Variants in AKT3 observed in about 807,000 individuals in gnomAD.
The protein encoded by AKT3 is RAC-gamma serine/threonine-protein kinase.
A neutral mutation model predicts 65.3 loss-of-function variants in AKT3; 15 were observed. The observed-to-expected ratio is 0.23, with a 90% CI of 0.15 to 0.35. The LOEUF is 0.35. Ranked by LOEUF, AKT3 falls within the 10% of genes least tolerant of loss-of-function variation. The pLI is 1.00. For missense variants in AKT3, 243 were observed against 576.5 expected (o/e 0.42, Z 5.92); for synonymous variants, 206 against 183.8 (o/e 1.12, Z -0.98).
chr1:243,526,268 T>TTTTCTGTGTTTGTTTTTTGAG (rs1671072268), intron 12 of AKT3, among the ~76,000 whole-genome samples: 1 of 152,166 alleles, frequency 6.6e-6, no homozygotes, highest in Non-Finnish European at 1.5e-5. Context: ...AAACCCGTGT[T>TTTTCTGTGTTTGTTTTTTGAG]AATTCGTACC....
intron 2 of AKT3, among the ~76,000 whole-genome samples, chr1:243,739,370 C>G (rs567757536): frequency 6.6e-6 from 1 of 152,162 alleles, no homozygotes; most frequent in Admixed American, 6.5e-5. Flanking sequence ...TAATATAGGT[C>G]AATTCGCACT....
intron 2 of AKT3, among the ~76,000 whole-genome samples, chr1:243,765,633 C>T (rs1689774959): frequency 6.6e-6 from 1 of 152,046 alleles, no homozygotes; most frequent in South Asian, 2.1e-4. Flanking sequence ...GTTAACCAAA[C>T]AAAAATTAAA....
intron 2 of AKT3, among the ~76,000 whole-genome samples, chr1:243,765,729 A>G (rs1572305299): frequency 6.6e-6 from 1 of 152,200 alleles, no homozygotes; most frequent in African/African-American, 2.4e-5. Context: ...AAAATAATGG[A>G]TAATCTAAAA....
intron 2 of AKT3, among the ~76,000 whole-genome samples, chr1:243,798,549 T>C (rs934526145): frequency 2.0e-5 from 3 of 152,080 alleles, no homozygotes; most frequent in Non-Finnish European, 4.4e-5. Flanking sequence ...CTTCTATTTA[T>C]GTTCTTGATA....
intron 2 of AKT3, among the ~76,000 whole-genome samples, chr1:243,737,543 A>C (rs1300182220): frequency 6.6e-6 from 1 of 152,214 alleles, no homozygotes; most frequent in African/African-American, 2.4e-5. Context: ...AGAAGTAGAA[A>C]GCAAAAGAAA....
chr1:243,526,537 G>T (rs1332178327), intron 12 of AKT3, among the ~76,000 whole-genome samples: 1 of 151,996 alleles, frequency 6.6e-6, no homozygotes, highest in Non-Finnish European at 1.5e-5. Context: ...TCCTGGGAAA[G>T]GTGGCTCAGT....
At chr1:243,620,668 C>T (rs559461326) in intron 6 of AKT3, among the ~76,000 whole-genome samples, 10 of 152,228 alleles carry the variant, frequency 6.6e-5, no homozygotes, top group African/African-American at 2.4e-4. Context: ...AGACTGTCTT[C>T]TGTTCCTTGA....
chr1:243,534,377 G>A (rs1671756200), intron 12 of AKT3, among the ~76,000 whole-genome samples: 1 of 152,168 alleles, frequency 6.6e-6, no homozygotes, highest in Middle Eastern at 3.2e-3. Context: ...CAAAATACGT[G>A]AGGCAAAAAC....
chr1:243,701,665 C>CAAAAAAA (rs74162707), intron 2 of AKT3, among the ~76,000 whole-genome samples: 2 of 124,962 alleles, frequency 1.6e-5, no homozygotes, highest in African/African-American at 3.0e-5. Context: ...AGAAAAAATG[C>CAAAAAAA]AAAAAAAAAA....
intron 2 of AKT3, among the ~76,000 whole-genome samples, chr1:243,768,189 T>C (rs1188992834): frequency 6.6e-6 from 1 of 150,910 alleles, no homozygotes; most frequent in African/African-American, 2.4e-5. Flanking sequence ...ATAACAAATA[T>C]TATATTGCTA....
intron 2 of AKT3, among the ~76,000 whole-genome samples, chr1:243,698,261 C>T (rs149751920): frequency 2.0e-5 from 3 of 152,038 alleles, no homozygotes; most frequent in African/African-American, 4.8e-5. Context: ...GTACAATATG[C>T]TGTAACTCTG....
At chr1:243,754,920 G>A (rs927999985) in intron 2 of AKT3, among the ~76,000 whole-genome samples, 8 of 152,066 alleles carry the variant, frequency 5.3e-5, no homozygotes, top group African/African-American at 1.9e-4. Context: ...AGAATGATCG[G>A]GTTCAAAAAT....
At chr1:243,590,696 A>G (rs542068834) in intron 8 of AKT3, among the ~76,000 whole-genome samples, 2 of 152,228 alleles carry the variant, frequency 1.3e-5, no homozygotes, top group Non-Finnish European at 2.9e-5. Flanking sequence ...ACACTGAAAG[A>G]GAAAGGACTT....
At chr1:243,527,936 C>CACACACACAGAG (rs1671266313) in intron 12 of AKT3, among the ~76,000 whole-genome samples, 3 of 38,246 alleles carry the variant, frequency 7.8e-5, no homozygotes, top group African/African-American at 2.3e-4. Context: ...CACACACACA[C>CACACACACAGAG]AGAGAGAGAG....
upstream of AKT3, among the ~76,000 whole-genome samples, chr1:243,850,295 A>AGGAGGC (rs1553463396): frequency 8.5e-6 from 1 of 118,258 alleles, no homozygotes; most frequent in African/African-American, 3.4e-5. Context: ...CTGGAGCGGG[A>AGGAGGC]GGCGGCGGCG....
chr1:243,780,955 A>C (rs1690870968), intron 2 of AKT3, among the ~76,000 whole-genome samples: 1 of 152,082 alleles, frequency 6.6e-6, no homozygotes, highest in Non-Finnish European at 1.5e-5. Flanking sequence ...AAACACTAAG[A>C]GGAATTACAC....
rs551631077 is a variant in AKT3 at position 243,682,602 on chromosome 1, C to T, written c.172+12989G>A. Among the ~76,000 whole-genome samples, 40 of 152,244 alleles carry T rather than the reference C, an allele frequency of 2.6e-4. No homozygotes were observed. In the East Asian group the frequency reaches 2.7e-3, roughly 10 times the overall value. ...AGGGCATTCTGCTAAGTATTTCAAA[C>T]GCCATATTTATTCCTATCATTTATT... is the stretch of plus-strand genomic sequence containing the variant. On this transcript the variant is annotated intron_variant, in intron 3 of 13. Coordinates refer to ENST00000673466, the MANE Select transcript of AKT3 (RefSeq NM_005465.7).
At chr1:243,701,561 A>C (rs1428608578) in intron 2 of AKT3, among the ~76,000 whole-genome samples, 1 of 152,066 alleles carries the variant, frequency 6.6e-6, no homozygotes, top group East Asian at 1.9e-4. Flanking sequence ...TATTTTTCAC[A>C]AATCCCATAA....
rs1350504597 is a variant in AKT3, at chr1:243,502,013, T to G, written c.*3236A>C. 7 of 232,588 alleles carry G rather than the reference T, an allele frequency of 3.0e-5. No homozygotes were observed. Among genetic ancestry groups the G allele is most frequent in the Non-Finnish European group, 5.1e-5 (6 of 117,738 alleles). 14.4% of individuals were successfully genotyped at this position (232,588 alleles called of 1,614,324 possible). A position where few individuals can be genotyped will look rare whatever the true frequency, so the allele number is the denominator to read the frequency against. On this transcript the variant is annotated 3_prime_UTR_variant, in exon 14 of 14. Transcript: ENST00000673466. ...AATCCTTAACCAGATGACTAGATCT[T>G]GCGCAGATCTAATGAAAGAACTAGC... is the stretch of plus-strand genomic sequence containing the variant.
Sources: allele counts gnomAD v4.1 joint callset (sites outside exome capture counted in the v4.1 genomes callset), GRCh38; gene constraint gnomAD v4.1.1; transcripts MANE v1.5; gene names NCBI Gene and HGNC (gene_info 2026-07-23, HGNC 2026-07-21).